Variants in SOX6 observed in about 807,000 individuals in gnomAD.
SOX6 encodes the protein SRY-box transcription factor 6.
Under a neutral mutation model 97.8 loss-of-function variants are expected in SOX6, and 11 were observed. The observed-to-expected ratio is 0.11, with a 90% confidence interval of 0.07 to 0.19. The LOEUF (loss-of-function observed/expected upper bound fraction) is 0.19. SOX6 is among the 10% of genes least tolerant of loss of function. The pLI is 1.00. For missense variants in SOX6, 810 were observed against 1,039.5 expected, an observed-to-expected ratio of 0.78 and a Z score of 3.04; for synonymous variants, 360 against 371.4, an observed-to-expected ratio of 0.97 and a Z score of 0.35.
chr11:16,360,922 GA>G (rs1021797049), upstream of SOX6, among the ~76,000 whole-genome samples: 1 of 151,722 alleles, frequency 6.6e-6, no homozygotes, highest in African/African-American at 2.4e-5. Context: ...AGAATGGCGT[GA>G]ACCCGGGAGG....
chr11:16,331,156 T>A (rs1295610975), intron 2 of SOX6, among the ~76,000 whole-genome samples: 1 of 152,180 alleles, frequency 6.6e-6, no homozygotes, highest in African/African-American at 2.4e-5. Flanking sequence ...TGTTTTCTTT[T>A]CATCCTCCTT....
At chr11:16,021,371 A>G (rs1686042041) in intron 12 of SOX6, among the ~76,000 whole-genome samples, 1 of 152,174 alleles carries the variant, frequency 6.6e-6, no homozygotes. Context: ...AACATCACTT[A>G]ACCAGACATG....
chr11:16,676,461 C>A (rs906387634), intron 3 of SOX6, among the ~76,000 whole-genome samples: 4 of 152,232 alleles, frequency 2.6e-5, no homozygotes, highest in Middle Eastern at 3.4e-3. Context: ...GCCATATGTT[C>A]TCATTTCTTT....
At chr11:16,403,111 C>A (rs1452085849) in intron 1 of SOX6, among the ~76,000 whole-genome samples, 1 of 151,464 alleles carries the variant, frequency 6.6e-6, no homozygotes. Context: ...GTCTAACTGG[C>A]TGCCCTAATT....
At chr11:16,582,323 CT>C (rs1276748212) in intron 4 of SOX6, among the ~76,000 whole-genome samples, 1 of 152,072 alleles carries the variant, frequency 6.6e-6, no homozygotes, top group Admixed American at 6.6e-5. Context: ...TTAAAAAGTA[CT>C]TTTTTTGTTG....
At chr11:16,553,261 G>C (rs1847710119) in intron 4 of SOX6, among the ~76,000 whole-genome samples, 1 of 152,200 alleles carries the variant, frequency 6.6e-6, no homozygotes, top group African/African-American at 2.4e-5. Context: ...GCTCCTTGCA[G>C]AGCAGGCTAA....
chr11:16,335,850 G>C (rs1037615521), intron 2 of SOX6, among the ~76,000 whole-genome samples: 2 of 152,156 alleles, frequency 1.3e-5, no homozygotes, highest in Non-Finnish European at 2.9e-5. Context: ...GAAATTGTTT[G>C]CAAGCAAGAA....
intron 3 of SOX6, among the ~76,000 whole-genome samples, chr11:16,254,229 A>T (rs1853611585): frequency 6.6e-6 from 1 of 152,056 alleles, no homozygotes; most frequent in Non-Finnish European, 1.5e-5. Flanking sequence ...GGAGAAGGAA[A>T]ATTATATAGT....
chr11:16,146,965 A>T (rs1850323288), intron 6 of SOX6, among the ~76,000 whole-genome samples: 2 of 152,202 alleles, frequency 1.3e-5, no homozygotes, highest in African/African-American at 2.4e-5. Context: ...AGGATCCAGA[A>T]CTAGAAATAC....
At chr11:16,658,324 G>C (rs866463079) in intron 3 of SOX6, among the ~76,000 whole-genome samples, 2 of 152,112 alleles carry the variant, frequency 1.3e-5, no homozygotes, top group African/African-American at 4.8e-5. Context: ...TATCTTTTGC[G>C]TATTTTTCAA....
chr11:16,543,135 AGGAACTCTTTATCTT>A (rs1325044000), intron 4 of SOX6, among the ~76,000 whole-genome samples: 2 of 152,156 alleles, frequency 1.3e-5, no homozygotes, highest in African/African-American at 2.4e-5. Flanking sequence ...TACATTATTA[AGGAACTCTTTATCTT>A]GGAACTCTTT....
intron 4 of SOX6, among the ~76,000 whole-genome samples, chr11:16,594,943 G>C (rs557323787): frequency 1.3e-5 from 2 of 151,924 alleles, no homozygotes; most frequent in South Asian, 2.1e-4. Context: ...CGCCCCCCTC[G>C]GCCTCCCCGA....
chr11:16,524,457 A>C (rs1277443505), intron 4 of SOX6, among the ~76,000 whole-genome samples: 1 of 152,110 alleles, frequency 6.6e-6, no homozygotes, highest in East Asian at 1.9e-4. Flanking sequence ...ACTCTCAATA[A>C]ATTAGGTATT....
Position 15,967,044 on chromosome 11 carries a change from A to G in SOX6, c.*5765T>C, listed in dbSNP as rs1853159562. On this transcript the variant is annotated 3_prime_UTR_variant, in exon 16 of 16. Coordinates refer to ENST00000683767, the MANE Select transcript of SOX6 (RefSeq NM_001367873.1). ...AAAACTTTACACTGGACTGTACAAG[A>G]TTTTTTTTTGATAAACTATTTACAT... is the stretch of plus-strand genomic sequence containing the variant. 6.6e-6 allele frequency: 1 copy of G among 151,700 alleles called. No homozygotes were observed. The highest frequency in any genetic ancestry group is 1.5e-5 in the Non-Finnish European group (1 of 67,928). The allele number at this position is 151,700 out of a possible 1,614,324, so 9.4% of individuals were successfully genotyped here.
intron 6 of SOX6, among the ~76,000 whole-genome samples, chr11:16,146,827 G>A (rs1284331067): frequency 2.6e-5 from 4 of 152,140 alleles, no homozygotes; most frequent in African/African-American, 9.7e-5. Context: ...CAGTTAGAAC[G>A]GTGATCATTA....
intron 3 of SOX6, among the ~76,000 whole-genome samples, chr11:16,648,967 C>T (rs1463304147): frequency 6.6e-6 from 1 of 151,646 alleles, no homozygotes; most frequent in Non-Finnish European, 1.5e-5. Context: ...TAGAGAAATA[C>T]AAAATGCCTG....
chr11:16,332,014 A>T (rs915455494), intron 2 of SOX6, among the ~76,000 whole-genome samples: 1 of 152,210 alleles, frequency 6.6e-6, no homozygotes, highest in Non-Finnish European at 1.5e-5. Context: ...GTCATCCAAG[A>T]GAACAGTAGC....
rs114796891 is a variant in SOX6, at chr11:15,975,171, G to A, written c.2184-2059C>T. On this transcript the variant is annotated intron_variant, in intron 15 of 15. Transcript: ENST00000683767. ...GGTTGCCTGAAGGAAGCAGATAATA[G>A]AGGAATCTAAATCTATGTATAGAAA... is the stretch of plus-strand genomic sequence containing the variant. 2.8e-3 allele frequency among the ~76,000 whole-genome samples: 423 copies of A among 152,278 alleles called. 1 individual carries two copies. The highest frequency in any genetic ancestry group is 9.7e-3 in the African/African-American group (403 of 41,560).
chr11:16,145,308 T>G (rs1850262086), intron 6 of SOX6, among the ~76,000 whole-genome samples: 1 of 152,302 alleles, frequency 6.6e-6, no homozygotes, highest in East Asian at 1.9e-4. Flanking sequence ...CAGCCCTTCA[T>G]GCTAAAAACT....
Sources: gnomAD v4.1 joint callset for allele counts (sites outside exome capture counted in the v4.1 genomes callset) on GRCh38, gnomAD v4.1.1 for gene constraint, MANE v1.5 for transcripts, NCBI Gene and HGNC (gene_info 2026-07-23, HGNC 2026-07-21) for gene names.